PPARG: variants seen among roughly 807,000 people sequenced by gnomAD.
The protein encoded by PPARG is peroxisome proliferator activated receptor gamma.
A neutral mutation model predicts 39.2 loss-of-function variants in PPARG; 17 were observed. The observed-to-expected ratio is 0.43, with a 90% CI of 0.30 to 0.65. The LOEUF (loss-of-function observed/expected upper bound fraction) is 0.65. Among genes scored for constraint, PPARG ranks in the 30% least tolerant of loss-of-function variants. PPARG has a pLI of 0.13. For missense variants in PPARG, 406 were observed against 585.9 expected (o/e 0.69, Z 3.17); for synonymous variants, 223 against 215.7 (o/e 1.03, Z -0.30).
At chr3:12,340,959 C>T (rs181624110) in intron 2 of PPARG, among the ~76,000 whole-genome samples, 3 of 152,106 alleles carry the variant, frequency 2.0e-5, no homozygotes, top group Admixed American at 6.6e-5. Flanking sequence ...CCAAGGCGGG[C>T]GGATCACAAG....
chr3:12,351,261 G>A (rs536418427), intron 2 of PPARG, among the ~76,000 whole-genome samples: 3 of 152,248 alleles, frequency 2.0e-5, no homozygotes, highest in Non-Finnish European at 2.9e-5. Context: ...TACAGTTCAC[G>A]CCCCTCACAA....
intron 7 of PPARG, 54 bp downstream of exon 7, chr3:12,417,208 G>A: frequency 1.3e-6 from 2 of 1,569,694 alleles, no homozygotes; most frequent in Non-Finnish European, 1.7e-6. Context: ...TGGTGGGGTG[G>A]CCAAAAGAAT....
In PPARG at chr3:12,310,902, C is replaced by T. The variant is rs542188544; in HGVS notation, c.-82-1478C>T. The stretch of plus-strand genomic sequence containing the variant: ...GCCTGTTGTGTGTAATGAGCGGTTT[C>T]GCTGTGGGTGCTCCTTTCATTTCTG... On this transcript the variant is annotated intron_variant, in intron 1 of 7. Transcript: ENST00000651735. 3.5e-5 allele frequency among the ~76,000 whole-genome samples: 5 copies of T among 144,446 alleles called. No homozygotes were observed. In the South Asian group the frequency reaches 1.1e-3, roughly 33 times the overall value. 94.8% of individuals were successfully genotyped at this position (144,446 alleles called of 152,430 possible).
chr3:12,360,865 A>T (rs987960469), intron 2 of PPARG, among the ~76,000 whole-genome samples: 1 of 152,192 alleles, frequency 6.6e-6, no homozygotes, highest in African/African-American at 2.4e-5. Context: ...TCAGTATTGC[A>T]AATAGTACTG....
At chr3:12,385,105 C>T (rs896037199) in intron 4 of PPARG, among the ~76,000 whole-genome samples, 10 of 152,170 alleles carry the variant, frequency 6.6e-5, no homozygotes, top group African/African-American at 2.4e-4. Context: ...AACCAATACG[C>T]AATAAAAAGC....
intron 2 of PPARG, among the ~76,000 whole-genome samples, chr3:12,339,595 T>C (rs1041772893): frequency 6.6e-6 from 1 of 152,214 alleles, no homozygotes; most frequent in East Asian, 1.9e-4. Flanking sequence ...AAAAATACTT[T>C]TAGTGGAACC....
Position 12,357,337 on chromosome 3 carries a change from C to T in PPARG, c.-8-22367C>T, listed in dbSNP as rs561060558. On this transcript the variant is annotated intron_variant, in intron 2 of 7. Coordinates refer to ENST00000651735, the MANE Select transcript of PPARG (RefSeq NM_138711.6). ...CACGCCGGCCTCCTTGCTGTTCCTT[C>T]CACATTCCAGATGCTCTCCTGCCTT... Among the ~76,000 whole-genome samples, 7 of 152,308 alleles carry T rather than the reference C, an allele frequency of 4.6e-5. No individual in the cohort carries two copies. In the South Asian group the frequency reaches 1.5e-3, roughly 32 times the overall value.
In PPARG at chr3:12,328,276, A is replaced by T; in HGVS notation, c.-9+15823A>T. On this transcript the variant is annotated intron_variant, in intron 2 of 7. Coordinates refer to ENST00000651735, the MANE Select transcript of PPARG (RefSeq NM_138711.6). ...ATGCTGATGGCACGAAGGGCCCAGT[A>T]GGGAGCCTCTCTGGGAAGCTCTTCC... 3 of 1,472,834 alleles carry T rather than the reference A, an allele frequency of 2.0e-6. No homozygotes were observed. The South Asian group carries it at 3.6e-5, about 18-fold the overall frequency. 91.2% of individuals were successfully genotyped at this position (1,472,834 alleles called of 1,614,324 possible). A position where few individuals can be genotyped will look rare whatever the true frequency, so the allele number is the denominator to read the frequency against.
intron 5 of PPARG, among the ~76,000 whole-genome samples, chr3:12,403,085 G>T (rs1450575171): frequency 6.6e-6 from 1 of 151,978 alleles, no homozygotes; most frequent in Non-Finnish European, 1.5e-5. Flanking sequence ...TTGAGCCCAG[G>T]AGTTCGAGAC....
intron 2 of PPARG, among the ~76,000 whole-genome samples, chr3:12,340,841 G>A (rs1041074691): frequency 2.0e-5 from 3 of 152,192 alleles, no homozygotes; most frequent in African/African-American, 7.2e-5. Context: ...TAAAACCAAA[G>A]CATAAGTTAT....
chr3:12,328,242 A>T, intron 2 of PPARG: 1 of 1,524,240 alleles, frequency 6.6e-7, no homozygotes, highest in Non-Finnish European at 9.0e-7. Flanking sequence ...TGAGAACAAC[A>T]TCCGGGAGAT....
intron 2 of PPARG, among the ~76,000 whole-genome samples, chr3:12,322,976 A>T (rs886270673): frequency 6.7e-6 from 1 of 150,118 alleles, no homozygotes; most frequent in Non-Finnish European, 1.5e-5. Flanking sequence ...TAATTTTTGT[A>T]TTTTTTTTTA....
At chr3:12,323,358 T>G (rs917537859) in intron 2 of PPARG, among the ~76,000 whole-genome samples, 10 of 151,150 alleles carry the variant, frequency 6.6e-5, no homozygotes, top group Non-Finnish European at 1.2e-4. Flanking sequence ...TCATTAACAT[T>G]GATTGAAGAA....
intron 4 of PPARG, among the ~76,000 whole-genome samples, chr3:12,388,128 G>C (rs758079470): frequency 1.3e-5 from 2 of 151,936 alleles, no homozygotes; most frequent in Non-Finnish European, 2.9e-5. Context: ...TTATCAATGA[G>C]AACAGTTCTA....
intron 2 of PPARG, among the ~76,000 whole-genome samples, chr3:12,331,955 T>G (rs907597891): frequency 6.6e-6 from 1 of 152,216 alleles, no homozygotes; most frequent in Non-Finnish European, 1.5e-5. Flanking sequence ...TTCTATGTAG[T>G]GTCAAGGTTC....
intron 2 of PPARG, among the ~76,000 whole-genome samples, chr3:12,338,745 G>A (rs2048088783): frequency 6.6e-6 from 1 of 152,000 alleles, no homozygotes; most frequent in African/African-American, 2.4e-5. Flanking sequence ...CCTTTCTACA[G>A]TATTACTGGA....
rs1424872137 is a variant in PPARG, at chr3:12,337,633, C to T, written c.-9+25180C>T. Reference sequence around the variant, plus strand: ...TTGCGACTTGCCTGAATTCATAAACCGAGTTAGTGGCGGAGCTGAAAGTCG... The same window carrying T: ...TTGCGACTTGCCTGAATTCATAAACTGAGTTAGTGGCGGAGCTGAAAGTCG... On this transcript the variant is annotated intron_variant, in intron 2 of 7. Transcript: ENST00000651735. Among the ~76,000 whole-genome samples, 63 of 152,124 alleles carry T rather than the reference C, an allele frequency of 4.1e-4. 1 individual carries two copies. Among genetic ancestry groups the T allele is most frequent in the South Asian group, 2.1e-4 (1 of 4,828 alleles).
intron 5 of PPARG, among the ~76,000 whole-genome samples, chr3:12,403,015 A>T (rs974488915): frequency 5.3e-5 from 8 of 152,194 alleles, no homozygotes; most frequent in Admixed American, 5.2e-4. Context: ...TCCTATGGCC[A>T]GGTGTCATGG....
chr3:12,378,541 G>A (rs1202001588), intron 2 of PPARG, among the ~76,000 whole-genome samples: 1 of 152,118 alleles, frequency 6.6e-6, no homozygotes, highest in African/African-American at 2.4e-5. Context: ...CCTAGAGGAC[G>A]TTATGCTAAG....
Sources: allele counts gnomAD v4.1 joint callset (sites outside exome capture counted in the v4.1 genomes callset), GRCh38; gene constraint gnomAD v4.1.1; transcripts MANE v1.5; gene names NCBI Gene and HGNC (gene_info 2026-07-23, HGNC 2026-07-21).